Variants in WDR17 observed in about 807,000 individuals in gnomAD.
WDR17 encodes the protein WD repeat domain 17, also known as WD repeat-containing protein 17.
WDR17 carries 143 observed loss-of-function variants against 161.7 expected under a neutral mutation model. That is an observed-to-expected ratio of 0.88 (90% CI 0.77 to 1.02). WDR17 has a LOEUF of 1.02. Ranked by LOEUF, WDR17 falls within the 50% of genes least tolerant of loss-of-function variation. The probability of loss-of-function intolerance (pLI) is 0.00; values close to 1 mark genes in which losing one functional copy is unlikely to be tolerated. For missense variants in WDR17, 1,469 were observed against 1,520.9 expected, an observed-to-expected ratio of 0.97 and a Z score of 0.57; for synonymous variants, 517 against 515.6, an observed-to-expected ratio of 1.00 and a Z score of -0.04.
intron 1 of WDR17, 74 bp from the exon 2 acceptor site, chr4:176,111,501 A>T (rs1739732634): frequency 1.3e-6 from 2 of 1,510,394 alleles, no homozygotes. Flanking sequence ...GGGTTGGGGA[A>T]GATAGATGTA....
intron 1 of WDR17, among the ~76,000 whole-genome samples, chr4:176,109,933 C>T (rs1471815037): frequency 6.6e-6 from 1 of 152,074 alleles, no homozygotes; most frequent in African/African-American, 2.4e-5. Flanking sequence ...TCACGTAAAA[C>T]CAAATTTATT....
In WDR17 at chr4:176,119,867, G is replaced by A. The variant is rs556407222; in HGVS notation, c.308G>A (p.Gly103Glu). 9.9e-6 allele frequency: 16 copies of A among 1,613,428 alleles called. No homozygotes were observed. In the South Asian group the frequency reaches 1.4e-4, roughly 14 times the overall value. ...KVIAKLDSTKGIPASLSWCWN... is the reference protein window; with the variant it reads ...KVIAKLDSTKEIPASLSWCWN... The stretch of plus-strand genomic sequence containing the variant: ...TGTATCTGTATTTAATGTATTCCAG[G>A]GATCCCTGCTTCTCTTAGTTGGTGC... The change falls in exon 4 of 29, where the codon GGG (glycine) becomes GAG (glutamate). Residue 103 changes from glycine (G) to glutamate (E), a missense_variant and splice_region_variant. Coordinates refer to ENST00000508596, the MANE Select transcript of WDR17 (RefSeq NM_181265.4).
chr4:176,159,949 C>T (rs1243437299), intron 18 of WDR17, 45 bp from the exon 19 acceptor site: 1 of 1,468,856 alleles, frequency 6.8e-7, no homozygotes, highest in Non-Finnish European at 9.1e-7. Flanking sequence ...ACCTAAAAAC[C>T]TTCAAAATAA....
At chr4:176,151,310 T>C (rs1056350765) in intron 16 of WDR17, among the ~76,000 whole-genome samples, 1 of 152,184 alleles carries the variant, frequency 6.6e-6, no homozygotes, top group Admixed American at 6.5e-5. Flanking sequence ...TACTTTATCA[T>C]TACCTTTTAT....
chr4:176,147,750 T>TATA (rs150032837), intron 12 of WDR17, among the ~76,000 whole-genome samples: 6,818 of 151,728 alleles, frequency 0.045, 463 homozygotes, highest in African/African-American at 0.15. Context: ...AAACTTAAAG[T>TATA]ATAATAATAA....
chr4:176,157,098 T>G (rs1338316284), intron 18 of WDR17, among the ~76,000 whole-genome samples: 2 of 152,168 alleles, frequency 1.3e-5, no homozygotes, highest in Admixed American at 6.6e-5. Flanking sequence ...CAACATATTG[T>G]TTTGAGGGAC....
At position 176,152,595 on chromosome 4, in the gene WDR17, CAAAAAAAAAAAAAAAAA is replaced by C. The variant is rs34451055; in HGVS notation, c.2460+639_2460+655del. 2.4e-4 allele frequency among the ~76,000 whole-genome samples: 9 copies of C among 37,240 alleles called. No individual in the cohort carries two copies. The Admixed American group carries it at 3.5e-3, about 15-fold the overall frequency. 24.4% of individuals were successfully genotyped at this position (37,240 alleles called of 152,430 possible). A position where few individuals can be genotyped will look rare whatever the true frequency, so the allele number is the denominator to read the frequency against. ...TACTCCAGCCTGGGTAACTCCATCTCAAAAAAAAAAAAAAAAAAAAAAAAAAAGGGAAAGAAATGTAA... is the reference window on the plus strand; with the variant it reads ...TACTCCAGCCTGGGTAACTCCATCTCAAAAAAAAAAGGGAAAGAAATGTAA... On this transcript the variant is annotated intron_variant, in intron 17 of 28. Coordinates refer to ENST00000508596, the MANE Select transcript of WDR17 (RefSeq NM_181265.4).
chr4:176,121,396 TAATAA>T (rs1741560011), intron 4 of WDR17, among the ~76,000 whole-genome samples: 1 of 152,156 alleles, frequency 6.6e-6, no homozygotes. Flanking sequence ...ATGCAATCTA[TAATAA>T]ATATGGCTGT....
At chr4:176,097,712 G>A (rs1737101970) in intron 1 of WDR17, among the ~76,000 whole-genome samples, 1 of 142,304 alleles carries the variant, frequency 7.0e-6, no homozygotes, top group Non-Finnish European at 1.5e-5. Flanking sequence ...AATACTTCAA[G>A]CCCCACTTAC....
At chr4:176,133,250 C>T (rs1321737229) in intron 7 of WDR17, among the ~76,000 whole-genome samples, 4 of 84,282 alleles carry the variant, frequency 4.7e-5, no homozygotes, top group Admixed American at 1.1e-4. Context: ...TCCTTGGTCT[C>T]CTCTCTCTAA....
At chr4:176,165,940 G>A (rs1391378167) in intron 22 of WDR17, among the ~76,000 whole-genome samples, 1 of 152,156 alleles carries the variant, frequency 6.6e-6, no homozygotes, top group Non-Finnish European at 1.5e-5. Flanking sequence ...TCAGGAGAAA[G>A]CTGTAATCCT....
In WDR17 at chr4:176,149,867, T is replaced by C. The variant is rs1219305024; in HGVS notation, c.1958T>C (p.Val653Ala). The C allele has an allele frequency of 1.2e-6, 2 of 1,614,004 alleles. No homozygotes were observed. The highest frequency in any genetic ancestry group is 3.3e-5 in the Admixed American group (2 of 59,984). Residue 653 changes from valine (V) to alanine (A), a missense_variant, in exon 14 of 29, where the codon GTG becomes GCG. Physicochemically the swap from Val to Ala is moderately conservative, Grantham distance 64. Coordinates refer to ENST00000508596, the MANE Select transcript of WDR17 (RefSeq NM_181265.4). Reference sequence around the variant, plus strand: ...GCCTCTTGCTCCCGTGACTCTACAGTGAGACTCTGGTCATTAACAGCCTTA... The same window carrying C: ...GCCTCTTGCTCCCGTGACTCTACAGCGAGACTCTGGTCATTAACAGCCTTA... The part of the protein sequence containing the change: ...TMASCSRDST[V>A]RLWSLTALVT...
chr4:176,172,634 G>A (rs1186819481), intron 24 of WDR17, 118 bp downstream of exon 24: 2 of 923,276 alleles, frequency 2.2e-6, no homozygotes, highest in Non-Finnish European at 3.2e-6. Flanking sequence ...CTGAGGCTGG[G>A]TAATTTATAA....
At chr4:176,172,172 T>G (rs145785720) in intron 23 of WDR17, among the ~76,000 whole-genome samples, 78 of 152,328 alleles carry the variant, frequency 5.1e-4, no homozygotes, top group Non-Finnish European at 7.9e-4. Context: ...ACTCATTAAC[T>G]AATATCCCCT....
chr4:176,109,414 C>T (rs1356457285), intron 1 of WDR17, among the ~76,000 whole-genome samples: 2 of 151,938 alleles, frequency 1.3e-5, no homozygotes, highest in African/African-American at 4.8e-5. Flanking sequence ...AGGAAAGTTT[C>T]TGAATACATA....
Position 176,181,517 on chromosome 4 carries a change from C to G in WDR17, c.*1938C>G, listed in dbSNP as rs1752158269. On this transcript the variant is annotated 3_prime_UTR_variant, in exon 29 of 29. Coordinates refer to ENST00000508596, the MANE Select transcript of WDR17 (RefSeq NM_181265.4). ...TTAATATTATAGAAGAGAATATACACAACTCAGAGATGCAATGGATAATAT... is the reference window on the plus strand; with the variant it reads ...TTAATATTATAGAAGAGAATATACAGAACTCAGAGATGCAATGGATAATAT... 1.8e-5 allele frequency: 4 copies of G among 223,920 alleles called. No homozygotes were observed. In the South Asian group the frequency reaches 1.9e-4, roughly 11 times the overall value. The allele number at this position is 223,920 out of a possible 1,614,324, so 13.9% of individuals were successfully genotyped here. A position where few individuals can be genotyped will look rare whatever the true frequency, so the allele number is the denominator to read the frequency against.
At chr4:176,135,343 A>G (rs777711345) in intron 8 of WDR17, 67 bp downstream of exon 8, 1 of 1,532,070 alleles carries the variant, frequency 6.5e-7, no homozygotes, top group South Asian at 1.1e-5. Flanking sequence ...TTTTCATTTG[A>G]GTTACTTTCT....
At chr4:176,114,242 A>C (rs1201422614) in intron 2 of WDR17, among the ~76,000 whole-genome samples, 1 of 152,114 alleles carries the variant, frequency 6.6e-6, no homozygotes, top group Non-Finnish European at 1.5e-5. Context: ...TATAGAAAAC[A>C]CAATTATGTA....
chr4:176,108,071 T>G (rs961697427), intron 1 of WDR17, among the ~76,000 whole-genome samples: 1 of 151,814 alleles, frequency 6.6e-6, no homozygotes, highest in African/African-American at 2.4e-5. Flanking sequence ...CAGGGTCTCT[T>G]TCTATCACCC....
Sources: allele counts gnomAD v4.1 joint callset (sites outside exome capture counted in the v4.1 genomes callset), GRCh38; gene constraint gnomAD v4.1.1; transcripts MANE v1.5; gene names NCBI Gene and HGNC (gene_info 2026-07-23, HGNC 2026-07-21).